The following TRPM3 variants were observed in gnomAD, a reference collection of about 807,000 sequenced individuals.
TRPM3 encodes the protein transient receptor potential cation channel subfamily M member 3, also known as long transient receptor potential channel 3.
TRPM3 carries 77 observed loss-of-function variants against 181.2 expected under a neutral mutation model. The observed-to-expected ratio is 0.42, with a 90% CI of 0.35 to 0.51. TRPM3 has a LOEUF of 0.51. Ranked by LOEUF, TRPM3 falls within the 20% of genes least tolerant of loss-of-function variation. The pLI is 0.01. For synonymous variants in TRPM3, 745 were observed against 796.4 expected, an observed-to-expected ratio of 0.94 and a Z score of 1.09; for missense variants, 1,759 against 2,196.7, an observed-to-expected ratio of 0.80 and a Z score of 3.98.
intron 1 of TRPM3, among the ~76,000 whole-genome samples, chr9:71,306,527 A>G (rs1456947578): frequency 2.0e-5 from 3 of 152,190 alleles, no homozygotes; most frequent in Admixed American, 2.0e-4. Context: ...TGGAAAATAG[A>G]TTATAAATTC....
intron 1 of TRPM3, among the ~76,000 whole-genome samples, chr9:71,225,119 G>A (rs1178127685): frequency 1.3e-5 from 2 of 152,170 alleles, no homozygotes; most frequent in African/African-American, 4.8e-5. Context: ...CTATACAAGA[G>A]TGTTACAGAA....
intron 1 of TRPM3, among the ~76,000 whole-genome samples, chr9:71,348,110 C>T (rs1402726628): frequency 6.6e-6 from 1 of 152,088 alleles, no homozygotes; most frequent in Admixed American, 6.5e-5. Flanking sequence ...AAGTGTGAAG[C>T]TCCTAAAAAG....
intron 7 of TRPM3, chr9:70,774,424 G>A (rs913442): frequency 0.97 from 148,087 of 152,252 alleles, 72,157 homozygotes; most frequent in East Asian, 1. Context: ...CATACAAAAT[G>A]TATGTTGATA....
At chr9:71,053,946 A>G (rs1233267479) in intron 1 of TRPM3, among the ~76,000 whole-genome samples, 1 of 152,152 alleles carries the variant, frequency 6.6e-6, no homozygotes, top group Admixed American at 6.5e-5. Context: ...GGTAACTTGT[A>G]GGAGAATCAC....
rs116966420 is a variant in TRPM3, at chr9:71,258,662, C to T, written c.183+187991G>A. On this transcript the variant is annotated intron_variant, in intron 1 of 24. Coordinates refer to the TRPM3 transcript ENST00000357533. ...TACATTAAATTCATATGTTCCTGTG[C>T]GATTGCTGGCCAGTGGGTACTATGA... 8.1e-4 allele frequency among the ~76,000 whole-genome samples: 123 copies of T among 152,186 alleles called. 1 individual carries two copies. The East Asian group carries it at 0.017, about 21-fold the overall frequency.
intron 25 of TRPM3, among the ~76,000 whole-genome samples, chr9:70,544,027 C>T (rs2044225734): frequency 1.3e-5 from 2 of 152,096 alleles, no homozygotes; most frequent in African/African-American, 4.8e-5. Flanking sequence ...GCAAAACAGC[C>T]CTGTGTGGGC....
intron 8 of TRPM3, among the ~76,000 whole-genome samples, chr9:70,684,759 A>ATT (rs1451129773): frequency 6.6e-6 from 1 of 152,170 alleles, no homozygotes; most frequent in Non-Finnish European, 1.5e-5. Flanking sequence ...ATTTTGATGC[A>ATT]TTATTCTTAG....
At chr9:71,146,250 G>T (rs1042471288) in intron 1 of TRPM3, among the ~76,000 whole-genome samples, 1 of 152,168 alleles carries the variant, frequency 6.6e-6, no homozygotes, top group African/African-American at 2.4e-5. Context: ...AGGTAAGAAT[G>T]ATGGAGCTTT....
chr9:70,699,321 C>T (rs938203834), intron 8 of TRPM3, among the ~76,000 whole-genome samples: 15 of 152,100 alleles, frequency 9.9e-5, no homozygotes, highest in Non-Finnish European at 2.2e-4. Context: ...TTGGCCTGGA[C>T]TTTGTGGACT....
chr9:70,848,717 C>T (rs2095091998), intron 3 of TRPM3, among the ~76,000 whole-genome samples: 1 of 99,292 alleles, frequency 1.0e-5, no homozygotes, highest in African/African-American at 3.8e-5. Flanking sequence ...GTGGCTCACG[C>T]CTGTAATCCC....
In TRPM3 at chr9:70,635,279, G is replaced by T; in HGVS notation, c.1582-18C>A. The stretch of plus-strand genomic sequence containing the variant: ...CCATGTCTCTGAAAACAATAAAGAA[G>T]AATCAAACAGTTTTGCTAGTCAGGG... On this transcript the variant is annotated intron_variant, in intron 11 of 25. Coordinates refer to ENST00000677713, the MANE Select transcript of TRPM3 (RefSeq NM_001366145.2). 6.2e-7 allele frequency: 1 copy of T among 1,612,804 alleles called. No homozygotes were observed. The highest frequency in any genetic ancestry group is 8.5e-7 in the Non-Finnish European group (1 of 1,179,096).
At chr9:70,910,388 G>A (rs73465040) in intron 1 of TRPM3, among the ~76,000 whole-genome samples, 13,733 of 152,112 alleles carry the variant, frequency 0.09, 737 homozygotes, top group African/African-American at 0.15. Context: ...GGGGGAGGAG[G>A]CTATGAATAG....
chr9:71,381,826 C>T (rs969548084), intron 1 of TRPM3, among the ~76,000 whole-genome samples: 1 of 152,074 alleles, frequency 6.6e-6, no homozygotes, highest in African/African-American at 2.4e-5. Context: ...ATTAAATATT[C>T]TTTCCAGGTT....
intron 1 of TRPM3, among the ~76,000 whole-genome samples, chr9:71,421,750 G>A (rs2093778390): frequency 6.6e-6 from 1 of 152,030 alleles, no homozygotes; most frequent in African/African-American, 2.4e-5. Context: ...TCATGGGACT[G>A]TGCCGAGTGC....
At chr9:70,738,701 C>A (rs185658055) in intron 8 of TRPM3, among the ~76,000 whole-genome samples, 1 of 152,152 alleles carries the variant, frequency 6.6e-6, no homozygotes, top group East Asian at 1.9e-4. Context: ...AAAGCTAGTT[C>A]TTTGAAAAGA....
intron 1 of TRPM3, among the ~76,000 whole-genome samples, chr9:71,394,026 C>A (rs1183679994): frequency 1.3e-5 from 2 of 152,118 alleles, no homozygotes; most frequent in Non-Finnish European, 2.9e-5. Context: ...GTACACACGT[C>A]TGAGAAGAGA....
intron 6 of TRPM3, chr9:70,825,841 C>A (rs1402153317): frequency 6.6e-6 from 1 of 152,218 alleles, no homozygotes; most frequent in Non-Finnish European, 1.5e-5. Context: ...AAAAAGGAAC[C>A]CCCTTCCTCT....
intron 8 of TRPM3, among the ~76,000 whole-genome samples, chr9:70,753,842 G>A (rs997749150): frequency 3.9e-5 from 6 of 152,084 alleles, no homozygotes; most frequent in African/African-American, 1.4e-4. Flanking sequence ...GGAAGAAATG[G>A]AAAGATGAAC....
intron 1 of TRPM3, among the ~76,000 whole-genome samples, chr9:71,164,953 G>C (rs1456396060): frequency 1.3e-5 from 2 of 152,090 alleles, no homozygotes; most frequent in Non-Finnish European, 2.9e-5. Flanking sequence ...TTTCATGCAT[G>C]GAAAATGTGT....
Sources: gnomAD v4.1 joint callset for allele counts (sites outside exome capture counted in the v4.1 genomes callset) on GRCh38, gnomAD v4.1.1 for gene constraint, MANE v1.5 for transcripts, NCBI Gene and HGNC (gene_info 2026-07-23, HGNC 2026-07-21) for gene names.